CDH3: variants seen among roughly 807,000 people sequenced by gnomAD.
The protein encoded by CDH3 is cadherin 3, also known as cadherin-3.
A neutral mutation model predicts 82.0 loss-of-function variants in CDH3; 54 were observed. The observed-to-expected ratio is 0.66, with a 90% confidence interval of 0.53 to 0.83. The LOEUF is 0.83. CDH3 is among the 40% of genes least tolerant of loss of function. The probability of loss-of-function intolerance (pLI) is 0.00; values close to 1 mark genes in which losing one functional copy is unlikely to be tolerated. For synonymous variants in CDH3, 446 were observed against 437.9 expected, an observed-to-expected ratio of 1.02 and a Z score of -0.23; for missense variants, 1,054 against 1,084.6, an observed-to-expected ratio of 0.97 and a Z score of 0.40.
chr16:68,720,259 G>A (rs569709114), intron 1 of CDH3, among the ~76,000 whole-genome samples: 1 of 151,728 alleles, frequency 6.6e-6, no homozygotes, highest in African/African-American at 2.4e-5. Flanking sequence ...TAACATGAGG[G>A]GAGGCTAAAA....
Position 68,695,304 on chromosome 16 carries a change from G to A in CDH3, c.2052G>A (p.Lys684=), listed in dbSNP as rs1961686469. 2 of 1,614,072 alleles carry A rather than the reference G, an allele frequency of 1.2e-6. No homozygotes were observed. Among genetic ancestry groups the A allele is most frequent in the Non-Finnish European group, 1.7e-6 (2 of 1,180,014 alleles). ...TGGTGAGAAAGAAGCGGAAGATCAA[G>A]GAGCCCCTCCTACTCCCAGAAGATG... ...LLLVRKKRKI[K]EPLLLPEDDT... Residue 684 remains lysine, a synonymous_variant, in exon 14 of 16, where the codon AAG becomes AAA. Transcript: ENST00000264012.
chr16:68,718,434 C>G (rs1442749266), intron 1 of CDH3, among the ~76,000 whole-genome samples: 3 of 151,912 alleles, frequency 2.0e-5, no homozygotes, highest in South Asian at 2.1e-4. Flanking sequence ...AATCCCAGCA[C>G]TTTGGGAGGC....
At chr16:68,657,138 G>A (rs1420406309) in intron 2 of CDH3, among the ~76,000 whole-genome samples, 1 of 152,176 alleles carries the variant, frequency 6.6e-6, no homozygotes, top group East Asian at 1.9e-4. Flanking sequence ...CCTCCAGGCT[G>A]CAGCTGCCTC....
At chr16:68,695,445 T>C in intron 14 of CDH3, 60 bp downstream of exon 14, 2 of 1,541,766 alleles carry the variant, frequency 1.3e-6, no homozygotes, top group South Asian at 2.3e-5. Context: ...CTGGCAGGGC[T>C]GTTGGGTCAA....
chr16:68,717,175 G>T (rs1301228466), intron 1 of CDH3, among the ~76,000 whole-genome samples: 1 of 151,796 alleles, frequency 6.6e-6, no homozygotes, highest in African/African-American at 2.4e-5. Context: ...TTTTTCTATT[G>T]CAGATCTTTA....
rs76186703 is a variant in CDH3 at position 68,713,796 on chromosome 16, A to C, written c.100-8629A>C. ...TACAGACCACACAGCCACACTGGGCAATGCACCCTTCCTGGAATATAGGCC... is the reference window on the plus strand; with the variant it reads ...TACAGACCACACAGCCACACTGGGCCATGCACCCTTCCTGGAATATAGGCC... On this transcript the variant is annotated intron_variant, in intron 1 of 2. Transcript: ENST00000569080. 4.8e-3 allele frequency among the ~76,000 whole-genome samples: 735 copies of C among 152,150 alleles called. 8 individuals carry two copies. The highest frequency in any genetic ancestry group is 0.017 in the African/African-American group (697 of 41,500).
intron 14 of CDH3, 77 bp from the exon 15 acceptor site, chr16:68,695,700 T>C: frequency 1.3e-6 from 2 of 1,511,220 alleles, no homozygotes; most frequent in Non-Finnish European, 1.8e-6. Flanking sequence ...GGGTAGGGGG[T>C]GTGGGGTGAG....
At chr16:68,673,116 A>G (rs904095451) in intron 2 of CDH3, among the ~76,000 whole-genome samples, 4 of 152,208 alleles carry the variant, frequency 2.6e-5, no homozygotes, top group Non-Finnish European at 2.9e-5. Flanking sequence ...TATGAACATT[A>G]TAATACATAG....
chr16:68,676,419 G>A lies in CDH3; in HGVS notation c.195G>A (p.Leu65=). 1 of 1,614,132 alleles carries A rather than the reference G, an allele frequency of 6.2e-7. No homozygotes were observed. The highest frequency in any genetic ancestry group is 8.5e-7 in the Non-Finnish European group (1 of 1,179,966). Residue 65 remains leucine, a synonymous_variant, in exon 3 of 16, where the codon CTG becomes CTA. Transcript: ENST00000264012. ...GCTGCCCTGGGCAAGAGCCAGCTCT[G>A]TTTAGCACTGATAATGATGACTTCA... ...FMGCPGQEPA[L]FSTDNDDFTV...
In CDH3 at chr16:68,684,777, G is replaced by A. The variant is rs199768758; in HGVS notation, c.1377G>A (p.Val459=). The A allele has an allele frequency of 1.9e-6, 3 of 1,614,196 alleles. No individual in the cohort carries two copies. The highest frequency in any genetic ancestry group is 3.3e-5 in the Admixed American group (2 of 60,022). Residue 459 remains valine (V), a synonymous_variant, in exon 10 of 16, where the codon GTG becomes GTA. Transcript: ENST00000264012. ...AGGGCATCCCCACTGGGGAGCCTGT[G>A]TGTGTCTACACTGCAGAAGACCCTG... ...VQEGIPTGEP[V]CVYTAEDPDK...
intron 1 of CDH3, among the ~76,000 whole-genome samples, chr16:68,709,125 G>T (rs1253078077): frequency 6.6e-6 from 1 of 152,074 alleles, no homozygotes; most frequent in Non-Finnish European, 1.5e-5. Context: ...CTACTAGGCT[G>T]AGTGCAGTGG....
At chr16:68,706,983 T>G (rs937537339) in intron 1 of CDH3, among the ~76,000 whole-genome samples, 1 of 152,044 alleles carries the variant, frequency 6.6e-6, no homozygotes, top group African/African-American at 2.4e-5. Flanking sequence ...ATACGTGGTC[T>G]AGTAAAAGTG....
At chr16:68,675,395 T>G (rs1961000868) in intron 2 of CDH3, among the ~76,000 whole-genome samples, 1 of 152,162 alleles carries the variant, frequency 6.6e-6, no homozygotes, top group East Asian at 1.9e-4. Flanking sequence ...TTCCCTGATT[T>G]CTTGCGTTGG....
At chr16:68,691,206 A>G (rs969108989) in intron 12 of CDH3, among the ~76,000 whole-genome samples, 4 of 152,092 alleles carry the variant, frequency 2.6e-5, no homozygotes, top group African/African-American at 9.6e-5. Context: ...GGTTTTCACC[A>G]TGTTGGCCAG....
chr16:68,645,810 C>T, intron 2 of CDH3, 60 bp downstream of exon 2: 3 of 1,311,800 alleles, frequency 2.3e-6, no homozygotes, highest in Non-Finnish European at 3.2e-6. Flanking sequence ...TTGGTGTGGA[C>T]CGCGCGAGGG....
intron 2 of CDH3, among the ~76,000 whole-genome samples, chr16:68,649,952 T>C (rs1316801790): frequency 6.6e-6 from 1 of 151,994 alleles, no homozygotes; most frequent in Non-Finnish European, 1.5e-5. Flanking sequence ...GAGAATCGCT[T>C]GAGCCCAGTA....
intron 2 of CDH3, among the ~76,000 whole-genome samples, chr16:68,649,991 G>A (rs12925298): frequency 0.34 from 50,929 of 151,558 alleles, 9,422 homozygotes; most frequent in East Asian, 0.54. Flanking sequence ...CCAAGATCAC[G>A]CCACTGTACT....
chr16:68,661,462 A>G (rs1482137357), intron 2 of CDH3, among the ~76,000 whole-genome samples: 2 of 152,268 alleles, frequency 1.3e-5, no homozygotes, highest in Non-Finnish European at 2.9e-5. Flanking sequence ...ATCAATGTTA[A>G]GTGCCAGTGG....
At chr16:68,651,044 C>T (rs1005005410) in intron 2 of CDH3, 2 of 420,184 alleles carry the variant, frequency 4.8e-6, no homozygotes, top group Admixed American at 3.0e-5. Context: ...CTGGCCTCCT[C>T]CTGGTAGTAA....
Sources: allele counts gnomAD v4.1 joint callset (sites outside exome capture counted in the v4.1 genomes callset), GRCh38; gene constraint gnomAD v4.1.1; transcripts MANE v1.5; gene names NCBI Gene and HGNC (gene_info 2026-07-23, HGNC 2026-07-21).